The following GPHN variants were observed in gnomAD, a reference collection of about 807,000 sequenced individuals.
GPHN encodes gephyrin.
Under a neutral mutation model 95.5 loss-of-function variants are expected in GPHN, and 17 were observed. That is an observed-to-expected ratio of 0.18 (90% CI 0.12 to 0.27). The LOEUF is 0.27. Among genes scored for constraint, GPHN ranks in the 10% least tolerant of loss-of-function variants. The pLI is 1.00. For synonymous variants in GPHN, 320 were observed against 322.5 expected (o/e 0.99, Z 0.08); for missense variants, 660 against 978.1 (o/e 0.67, Z 4.34).
chr14:67,325,436 A>G, the GPHN span, among the ~76,000 whole-genome samples: 1 of 152,168 alleles, frequency 6.6e-6, no homozygotes, highest in Non-Finnish European at 1.5e-5. Context: ...CATTTCCGCC[A>G]TATACCTACA....
chr14:66,522,859 G>A (rs911183563), intron 1 of GPHN, among the ~76,000 whole-genome samples: 1 of 151,436 alleles, frequency 6.6e-6, no homozygotes. Flanking sequence ...GAAAATCTAT[G>A]ATAGCAAAGA....
intron 12 of GPHN, among the ~76,000 whole-genome samples, chr14:67,094,282 GA>G: frequency 6.6e-6 from 1 of 152,160 alleles, no homozygotes; most frequent in East Asian, 1.9e-4. Context: ...TGGGTGAACA[GA>G]ACTAAAAGTG....
chr14:67,128,922 C>T lies in GPHN; in HGVS notation c.1748+6545C>T, dbSNP rs531393422. Among the ~76,000 whole-genome samples, 4 of 151,240 alleles carry T rather than the reference C, an allele frequency of 2.6e-5. No homozygotes were observed. In the South Asian group the frequency reaches 8.3e-4, roughly 32 times the overall value. ...TTCTACCTCATGGGTTCAAGCGATT[C>T]TCCTGCCTCAGCCTCCCAAGTAGCT... On this transcript the variant is annotated intron_variant, in intron 17 of 22. Transcript: ENST00000478722.
At chr14:67,481,627 A>C in the GPHN span, among the ~76,000 whole-genome samples, 1 of 152,198 alleles carries the variant, frequency 6.6e-6, no homozygotes, top group Non-Finnish European at 1.5e-5. Context: ...GCGTTTTCAG[A>C]ACCCCACTCT....
intron 19 of GPHN, 131 bp from the exon 20 acceptor site, chr14:67,165,031 G>C: frequency 1.0e-5 from 7 of 691,116 alleles, no homozygotes; most frequent in Non-Finnish European, 1.8e-5. Context: ...AGAGTATAAA[G>C]ATGTAAAGGC....
chr14:66,896,409 A>G (rs1736793176), intron 5 of GPHN, among the ~76,000 whole-genome samples: 1 of 152,126 alleles, frequency 6.6e-6, no homozygotes, highest in Non-Finnish European at 1.5e-5. Context: ...ACTTGAGTCC[A>G]GAAGTTCGAG....
intron 8 of GPHN, among the ~76,000 whole-genome samples, chr14:66,929,913 G>A (rs931188644): frequency 4.0e-5 from 6 of 151,800 alleles, no homozygotes; most frequent in Admixed American, 1.3e-4. Context: ...GGGTTTCACC[G>A]TGTTAGCCAA....
the GPHN span, chr14:67,674,306 G>T: frequency 1.4e-6 from 2 of 1,395,100 alleles, no homozygotes; most frequent in East Asian, 5.3e-5. Flanking sequence ...CTGGGAGGAA[G>T]GTGGGAGAAT....
chr14:66,659,623 G>A (rs1177080359), intron 1 of GPHN, among the ~76,000 whole-genome samples: 1 of 151,782 alleles, frequency 6.6e-6, no homozygotes, highest in South Asian at 2.1e-4. Flanking sequence ...TACACCTTTA[G>A]GATTGTTTTG....
intron 13 of GPHN, among the ~76,000 whole-genome samples, chr14:67,102,492 C>G (rs2077766127): frequency 6.6e-6 from 1 of 151,788 alleles, no homozygotes; most frequent in Non-Finnish European, 1.5e-5. Flanking sequence ...GAAAGCCCAT[C>G]TCTACTGAAA....
the GPHN span, among the ~76,000 whole-genome samples, chr14:67,524,136 G>A: frequency 2.6e-5 from 4 of 152,092 alleles, no homozygotes; most frequent in African/African-American, 4.8e-5. Flanking sequence ...TTGGGCTTTT[G>A]ATATTTATTT....
At chr14:66,536,538 C>T (rs61035136) in intron 1 of GPHN, among the ~76,000 whole-genome samples, 47,310 of 151,908 alleles carry the variant, frequency 0.31, 11,201 homozygotes, top group African/African-American at 0.64. Context: ...ATATTTTTGT[C>T]AGATTTTGTT....
At chr14:66,537,155 T>C (rs10148418) in intron 1 of GPHN, among the ~76,000 whole-genome samples, 38,139 of 151,968 alleles carry the variant, frequency 0.25, 9,637 homozygotes, top group African/African-American at 0.62. Context: ...CTCTTGGAAA[T>C]GTCATATAGT....
chr14:66,508,926 T>C (rs936934264), intron 1 of GPHN: 23 of 377,922 alleles, frequency 6.1e-5, no homozygotes, highest in South Asian at 5.1e-4. Context: ...GGATCCCGGC[T>C]CCGCAGTCTG....
At chr14:66,779,773 C>CAA (rs1336797383) in intron 3 of GPHN, among the ~76,000 whole-genome samples, 2 of 152,018 alleles carry the variant, frequency 1.3e-5, no homozygotes, top group Non-Finnish European at 2.9e-5. Context: ...GCCTTTATCC[C>CAA]ATGTTAAGAA....
intron 1 of GPHN, among the ~76,000 whole-genome samples, chr14:66,524,398 C>T (rs2058603721): frequency 6.6e-6 from 1 of 152,004 alleles, no homozygotes; most frequent in Non-Finnish European, 1.5e-5. Flanking sequence ...GGAAAAGATA[C>T]TTTTAGAACT....
the GPHN span, chr14:67,338,436 C>T: frequency 3.2e-6 from 2 of 621,270 alleles, no homozygotes; most frequent in Non-Finnish European, 5.3e-6. Context: ...TCTCTTTCAT[C>T]CATGATAAAT....
intron 5 of GPHN, among the ~76,000 whole-genome samples, chr14:66,901,185 A>G (rs1402683934): frequency 6.6e-6 from 1 of 151,970 alleles, no homozygotes; most frequent in Non-Finnish European, 1.5e-5. Flanking sequence ...ATGTCTATTC[A>G]TATAGTTTGC....
At chr14:66,973,830 G>A (rs1448208474) in intron 9 of GPHN, among the ~76,000 whole-genome samples, 1 of 152,128 alleles carries the variant, frequency 6.6e-6, no homozygotes, top group Non-Finnish European at 1.5e-5. Context: ...GTATATAACT[G>A]GGGATAGCTC....
Sources: allele counts gnomAD v4.1 joint callset (sites outside exome capture counted in the v4.1 genomes callset), GRCh38; gene constraint gnomAD v4.1.1; transcripts MANE v1.5; gene names NCBI Gene and HGNC (gene_info 2026-07-23, HGNC 2026-07-21).